The following NTM variants were observed in gnomAD, a reference collection of about 807,000 sequenced individuals.
NTM encodes IgLON family member 2.
In NTM, 13 loss-of-function variants were observed where a neutral mutation model predicts 42.1. The observed-to-expected ratio is 0.31, with a 90% CI of 0.20 to 0.49. The LOEUF is 0.49. Ranked by LOEUF, NTM falls within the 20% of genes least tolerant of loss-of-function variation. The pLI, the probability that NTM is intolerant of heterozygous loss-of-function variation, is 0.99. For synonymous variants in NTM, 187 were observed against 179.2 expected, an observed-to-expected ratio of 1.04 and a Z score of -0.35; for missense variants, 373 against 452.8, an observed-to-expected ratio of 0.82 and a Z score of 1.60.
chr11:131,450,648 G>A (rs548482000), intron 1 of NTM, among the ~76,000 whole-genome samples: 21 of 152,280 alleles, frequency 1.4e-4, no homozygotes, highest in African/African-American at 4.8e-4. Flanking sequence ...GCTTCTCAAG[G>A]TCAAGGTCTC....
intron 7 of NTM, among the ~76,000 whole-genome samples, chr11:132,320,481 C>T (rs12801750): frequency 0.044 from 6,627 of 152,308 alleles, 170 homozygotes; most frequent in Middle Eastern, 0.082. Context: ...GCTTAAAAAA[C>T]GGCGCACCAT....
chr11:132,179,060 C>T (rs920627524), intron 3 of NTM, among the ~76,000 whole-genome samples: 46 of 152,116 alleles, frequency 3.0e-4, no homozygotes, highest in African/African-American at 1.1e-3. Context: ...GCACTCTATA[C>T]TGTCTGGGTA....
intron 4 of NTM, among the ~76,000 whole-genome samples, chr11:132,247,169 T>C (rs1027675811): frequency 3.3e-5 from 5 of 152,228 alleles, no homozygotes; most frequent in African/African-American, 4.8e-5. Context: ...AGGCTCATCA[T>C]TGATCGCCCT....
chr11:131,876,937 C>A (rs1421524710), intron 1 of NTM, among the ~76,000 whole-genome samples: 1 of 151,872 alleles, frequency 6.6e-6, no homozygotes, highest in Non-Finnish European at 1.5e-5. Context: ...TGGCTCACTG[C>A]AACCTCTGCC....
intron 1 of NTM, among the ~76,000 whole-genome samples, chr11:131,387,344 C>T (rs1011895201): frequency 1.3e-5 from 2 of 152,170 alleles, no homozygotes; most frequent in Non-Finnish European, 2.9e-5. Flanking sequence ...GTCCCCAGCA[C>T]TCCCCTCTTC....
chr11:131,815,858 G>T (rs73579939), intron 1 of NTM, among the ~76,000 whole-genome samples: 2,484 of 152,166 alleles, frequency 0.016, 75 homozygotes, highest in African/African-American at 0.058. Context: ...CGGTGGGAGC[G>T]GATTCCAGCG....
intron 2 of NTM, among the ~76,000 whole-genome samples, chr11:131,960,063 ATTCC>A (rs2061981756): frequency 1.3e-5 from 2 of 152,140 alleles, no homozygotes; most frequent in Admixed American, 1.3e-4. Flanking sequence ...GCTGATTTGA[ATTCC>A]TTCCAGGGCA....
chr11:131,638,053 T>A (rs936854034), intron 1 of NTM, among the ~76,000 whole-genome samples: 1 of 152,156 alleles, frequency 6.6e-6, no homozygotes, highest in Non-Finnish European at 1.5e-5. Context: ...GCCTTAATGT[T>A]GTGACCACAG....
intron 1 of NTM, among the ~76,000 whole-genome samples, chr11:131,691,433 C>A (rs1052618672): frequency 6.6e-6 from 1 of 152,230 alleles, no homozygotes; most frequent in African/African-American, 2.4e-5. Context: ...GCTCCGGGTC[C>A]AGGCTGGCCG....
intron 1 of NTM, among the ~76,000 whole-genome samples, chr11:131,563,984 T>C (rs1055906172): frequency 6.6e-6 from 1 of 152,180 alleles, no homozygotes; most frequent in Non-Finnish European, 1.5e-5. Flanking sequence ...CCAGACCTTG[T>C]CCTGGTCCTG....
intron 4 of NTM, among the ~76,000 whole-genome samples, chr11:132,303,712 CAAAAA>C (rs139688601): frequency 3.5e-5 from 4 of 113,132 alleles, no homozygotes; most frequent in Admixed American, 8.8e-5. Context: ...TTCTAGGTGA[CAAAAA>C]AAAAAAAAAA....
chr11:131,606,100 G>C (rs1210049327), intron 1 of NTM, among the ~76,000 whole-genome samples: 3 of 152,140 alleles, frequency 2.0e-5, no homozygotes, highest in Non-Finnish European at 4.4e-5. Flanking sequence ...CTGGAGTGCA[G>C]TGGTGCCATC....
chr11:131,860,339 A>C (rs1271193379), intron 1 of NTM, among the ~76,000 whole-genome samples: 1 of 152,150 alleles, frequency 6.6e-6, no homozygotes, highest in Non-Finnish European at 1.5e-5. Flanking sequence ...GGGTCAAGGC[A>C]CAGGCAGAGT....
chr11:131,685,266 T>G (rs1384400184), intron 1 of NTM, among the ~76,000 whole-genome samples: 1 of 147,524 alleles, frequency 6.8e-6, no homozygotes, highest in Non-Finnish European at 1.5e-5. Flanking sequence ...GATGCACTCC[T>G]CAAGCCAGAT....
intron 1 of NTM, among the ~76,000 whole-genome samples, chr11:131,750,097 T>G (rs1310734633): frequency 6.6e-6 from 1 of 152,240 alleles, no homozygotes; most frequent in Non-Finnish European, 1.5e-5. Context: ...ATTAGGCACC[T>G]GCTTACACTC....
chr11:132,007,725 T>A (rs1402366813), intron 2 of NTM, among the ~76,000 whole-genome samples: 1 of 152,200 alleles, frequency 6.6e-6, no homozygotes, highest in African/African-American at 2.4e-5. Context: ...TGTATCAGGT[T>A]TTATGAGTTT....
Position 132,003,075 on chromosome 11 carries a change from G to C in NTM, c.167+91427G>C, listed in dbSNP as rs78045094. Among the ~76,000 whole-genome samples the C allele has an allele frequency of 0.023, 3,480 of 152,090 alleles. 97 individuals carry two copies. The highest frequency in any genetic ancestry group is 0.058 in the African/African-American group (2,385 of 41,416). On this transcript the variant is annotated intron_variant, in intron 2 of 8. Coordinates refer to ENST00000683400, the MANE Select transcript of NTM (RefSeq NM_001352005.2). This position sits in a 1 kb window ranked among gnomAD's most constrained non-coding sequence, Gnocchi z 6.0. The stretch of plus-strand genomic sequence containing the variant: ...GTGAGCGCACTAAACAGTAAGATGC[G>C]CTGCCACAGTTGTGTGTGTAATTGA...
At chr11:131,995,602 TGA>T in intron 2 of NTM, among the ~76,000 whole-genome samples, 1 of 151,784 alleles carries the variant, frequency 6.6e-6, no homozygotes. Flanking sequence ...GGGCCAAGGC[TGA>T]GAGAGGAGAC....
At chr11:131,703,395 A>G (rs1423465812) in intron 1 of NTM, among the ~76,000 whole-genome samples, 1 of 152,246 alleles carries the variant, frequency 6.6e-6, no homozygotes, top group Non-Finnish European at 1.5e-5. Context: ...AAGTAAATAC[A>G]AATAAATATA....
Sources: allele counts gnomAD v4.1 joint callset (sites outside exome capture counted in the v4.1 genomes callset), GRCh38; gene constraint gnomAD v4.1.1; non-coding constraint Gnocchi (gnomAD v3.1); transcripts MANE v1.5; gene names NCBI Gene and HGNC (gene_info 2026-07-23, HGNC 2026-07-21).